STXBP2: variants seen among roughly 807,000 people sequenced by gnomAD.
STXBP2 encodes the protein syntaxin-binding protein 2.
In STXBP2, 47 loss-of-function variants were observed where a neutral mutation model predicts 72.2. That is an observed-to-expected ratio of 0.65 (90% CI 0.51 to 0.83). The LOEUF (loss-of-function observed/expected upper bound fraction) is 0.83. Among genes scored for constraint, STXBP2 ranks in the 40% least tolerant of loss-of-function variants. The pLI, the probability that STXBP2 is intolerant of heterozygous loss-of-function variation, is 0.00. For synonymous variants in STXBP2, 367 were observed against 338.7 expected, an observed-to-expected ratio of 1.08 and a Z score of -0.92; for missense variants, 702 against 807.6, an observed-to-expected ratio of 0.87 and a Z score of 1.58.
chr19:7,640,144 ATC>A (rs1568464765), intron 4 of STXBP2: 10 of 503,116 alleles, frequency 2.0e-5, no homozygotes, highest in African/African-American at 1.7e-4. Flanking sequence ...GTGTGTGTGC[ATC>A]TGTGTGCATC....
chr19:7,644,814 G>T, intron 14 of STXBP2, 62 bp downstream of exon 14: 2 of 1,610,694 alleles, frequency 1.2e-6, no homozygotes, highest in South Asian at 2.2e-5. Flanking sequence ...ACGATCCTGG[G>T]AACTGCTGAA....
the STXBP2 span, chr19:7,630,642 G>A: frequency 2.6e-6 from 4 of 1,537,018 alleles, no homozygotes; most frequent in Non-Finnish European, 3.5e-6. Context: ...GTTTGAGGAC[G>A]ATGTCATACA....
In STXBP2 at chr19:7,641,943, C is replaced by T. The variant is rs115340717; in HGVS notation, c.578+90C>T. On this transcript the variant is annotated intron_variant, in intron 7 of 18. Coordinates refer to ENST00000221283, the MANE Select transcript of STXBP2 (RefSeq NM_006949.4). ...TTTAACCTCTCTTGTGACCCCAGCC[C>T]CGGCCCTACCCTGGCCCCTGACTCT... The T allele has an allele frequency of 1.6e-3, 2,563 of 1,605,000 alleles. 33 individuals carry two copies. The African/African-American group carries it at 0.03, about 19-fold the overall frequency.
upstream of STXBP2, chr19:7,632,795 C>G (rs771326803): frequency 2.6e-6 from 4 of 1,563,000 alleles, no homozygotes; most frequent in South Asian, 2.3e-5. This position sits in a 1 kb window ranked among gnomAD's most constrained non-coding sequence, Gnocchi z 5.2. Flanking sequence ...CGTGGCTCAG[C>G]AGATTGAAGA....
At chr19:7,640,586 G>A (rs1223926914) in intron 4 of STXBP2, 145 bp from the exon 5 acceptor site, 4 of 1,040,588 alleles carry the variant, frequency 3.8e-6, no homozygotes, top group African/African-American at 1.6e-5. Context: ...ATGTGGGTGC[G>A]ACACTAGTGT....
intron 15 of STXBP2, chr19:7,645,529 G>A (rs978948952): frequency 3.6e-6 from 2 of 561,152 alleles, no homozygotes; most frequent in Non-Finnish European, 6.4e-6. Flanking sequence ...GTGAGACATG[G>A]TCGCTGCCAG....
intron 3 of STXBP2, 79 bp from the exon 4 acceptor site, chr19:7,639,652 C>T: frequency 1.7e-5 from 24 of 1,405,056 alleles, no homozygotes; most frequent in Non-Finnish European, 2.3e-5. Context: ...CCCAAGCCTC[C>T]AACCCCCCAC....
In STXBP2 at chr19:7,647,481, G is replaced by A; in HGVS notation, c.1666G>A (p.Ala556Thr). Residue 556 changes from alanine to threonine, a missense_variant, in exon 18 of 19, where the codon GCC becomes ACC. Ala to Thr is a moderately conservative substitution (Grantham distance 58). Coordinates refer to ENST00000221283, the MANE Select transcript of STXBP2 (RefSeq NM_006949.4). ...EMRAAYEVTRATEGKWEVLIG... is the reference protein window; with the variant it reads ...EMRAAYEVTRTTEGKWEVLIG... ...GAGGGCCGCCTACGAGGTGACCAGG[G>A]CCACCGAGGGCAAGTGGGAGGTGCT... The A allele has an allele frequency of 6.2e-7, 1 of 1,607,234 alleles. No homozygotes were observed. Among genetic ancestry groups the A allele is most frequent in the Non-Finnish European group, 8.5e-7 (1 of 1,176,600 alleles).
chr19:7,640,130 GTA>G (rs1214668799), intron 4 of STXBP2: 11 of 557,632 alleles, frequency 2.0e-5, no homozygotes, highest in South Asian at 4.7e-5. Flanking sequence ...GCGTGTGTAT[GTA>G]TGTGTGTGTG....
At chr19:7,630,521 C>G in the STXBP2 span, 1 of 1,407,418 alleles carries the variant, frequency 7.1e-7, no homozygotes, top group Admixed American at 2.0e-5. Flanking sequence ...TCTGAGGAGC[C>G]TCTGCACATT....
At chr19:7,647,028 C>A in intron 16 of STXBP2, 134 bp from the exon 17 acceptor site, 1 of 860,506 alleles carries the variant, frequency 1.2e-6, no homozygotes, top group South Asian at 1.5e-5. Context: ...ACTCCTGGGT[C>A]CCCCAGAGGC....
At chr19:7,632,565 C>T, upstream of STXBP2, 1 of 1,605,314 alleles carries the variant, frequency 6.2e-7, no homozygotes, top group Non-Finnish European at 8.5e-7. The surrounding 1 kb of genome is among the most constrained non-coding windows in gnomAD (Gnocchi z 5.2). Context: ...GAGTGGGGGC[C>T]CCCAACCCTA....
chr19:7,637,335 G>A (rs2031586339), intron 1 of STXBP2, 149 bp downstream of exon 1: 3 of 735,360 alleles, frequency 4.1e-6, no homozygotes, highest in Non-Finnish European at 5.6e-6. Flanking sequence ...GGGCGGGCGG[G>A]GACGGGTTCC....
At position 7,644,635 on chromosome 19, in the gene STXBP2, G is replaced by A. The variant is rs199913678; in HGVS notation, c.1129G>A (p.Ala377Thr). ...GCAGGACCTGGCCATGGGCTCCGAC[G>A]CAGAGGGGGAGAAGATCAAGGACTC... Reference protein sequence around the residue: ...VEQDLAMGSDAEGEKIKDSMK... With the variant: ...VEQDLAMGSDTEGEKIKDSMK... The change falls in exon 14 of 19, where the codon GCA becomes ACA. Residue 377 changes from alanine to threonine, a missense_variant. Ala to Thr is a moderately conservative substitution (Grantham distance 58). Transcript: ENST00000221283. 19 of 1,613,090 alleles carry A rather than the reference G, an allele frequency of 1.2e-5. No individual in the cohort carries two copies. The highest frequency in any genetic ancestry group is 3.3e-5 in the South Asian group (3 of 91,084).
intron 15 of STXBP2, 162 bp from the exon 16 acceptor site, chr19:7,646,083 TTCTC>T (rs2032124326): frequency 2.4e-5 from 15 of 628,742 alleles, no homozygotes; most frequent in Non-Finnish European, 4.0e-5. Context: ...GGCTCACTGT[TTCTC>T]TCTCTCGCTT....
rs777364957 is a variant in STXBP2 at position 7,647,193 on chromosome 19, T to G, written c.1484T>G (p.Leu495Arg). Reference protein sequence around the residue: ...DAVEDRLDRNLWPFVSDPAPT... With the variant: ...DAVEDRLDRNRWPFVSDPAPT... ...GTGGAGGACCGGCTGGACAGGAACC[T>G]GTGGCCCTTCGTATCCGACCCCGCC... The change falls in exon 17 of 19, where the codon CTG (leucine) becomes CGG (arginine). Residue 495 changes from leucine to arginine, a missense_variant. By Grantham distance (102) the Leu-to-Arg change is moderately radical. Coordinates refer to ENST00000221283, the MANE Select transcript of STXBP2 (RefSeq NM_006949.4). 1 of 1,612,034 alleles carries G rather than the reference T, an allele frequency of 6.2e-7. No individual in the cohort carries two copies. Among genetic ancestry groups the G allele is most frequent in the Admixed American group, 1.7e-5 (1 of 60,020 alleles).
chr19:7,641,124 G>A, intron 6 of STXBP2, 121 bp downstream of exon 6: 1 of 1,041,026 alleles, frequency 9.6e-7, no homozygotes, highest in Non-Finnish European at 1.4e-6. Context: ...CAGCGCTGTG[G>A]GAGGCCAGGG....
At chr19:7,637,016 C>T, upstream of STXBP2, 1 of 1,038,800 alleles carries the variant, frequency 9.6e-7, no homozygotes, top group East Asian at 3.3e-5. Flanking sequence ...GGGCGAGAAC[C>T]GACGGCGGGG....
intron 4 of STXBP2, chr19:7,640,511 T>C (rs920726394): frequency 9.8e-6 from 6 of 609,580 alleles, no homozygotes; most frequent in East Asian, 2.7e-5. Context: ...TGTGTGTGTG[T>C]GCATGTGTGC....
Sources: allele counts gnomAD v4.1 joint callset, GRCh38; gene constraint gnomAD v4.1.1; non-coding constraint Gnocchi (gnomAD v3.1); transcripts MANE v1.5; gene names NCBI Gene and HGNC (gene_info 2026-07-23, HGNC 2026-07-21).